Variants in CNTNAP2 observed in about 807,000 individuals in gnomAD.
CNTNAP2 encodes the protein contactin associated protein 2.
A neutral mutation model predicts 155.2 loss-of-function variants in CNTNAP2; 98 were observed. The ratio of observed to expected loss-of-function variants is 0.63; its 90% CI spans 0.54 to 0.75. The LOEUF (loss-of-function observed/expected upper bound fraction) is 0.75. Ranked by LOEUF, CNTNAP2 falls within the 30% of genes least tolerant of loss-of-function variation. CNTNAP2 has a pLI of 0.00. For synonymous variants in CNTNAP2, 651 were observed against 631.2 expected (o/e 1.03, Z -0.47); for missense variants, 1,727 against 1,688.1 (o/e 1.02, Z -0.40).
chr7:147,071,730 T>C (rs1799896260), intron 4 of CNTNAP2, among the ~76,000 whole-genome samples: 1 of 152,194 alleles, frequency 6.6e-6, no homozygotes, highest in Non-Finnish European at 1.5e-5. Flanking sequence ...TGGCACAGAA[T>C]GAATCAACTA....
In CNTNAP2 at chr7:147,857,979, C is replaced by T. The variant is rs375105415; in HGVS notation, c.2099-45586C>T. On this transcript the variant is annotated intron_variant, in intron 13 of 23. Coordinates refer to ENST00000361727, the MANE Select transcript of CNTNAP2 (RefSeq NM_014141.6). Reference sequence around the variant, plus strand: ...CCTTTCCAGTTCTAACTACACAGTACGATCTTTTTAAAACTATCAGCTTTG... The same window carrying T: ...CCTTTCCAGTTCTAACTACACAGTATGATCTTTTTAAAACTATCAGCTTTG... Among the ~76,000 whole-genome samples the T allele has an allele frequency of 3.3e-4, 51 of 152,290 alleles. 1 individual carries two copies. The highest frequency in any genetic ancestry group is 1.0e-3 in the African/African-American group (43 of 41,562).
chr7:146,519,982 A>C (rs1216796527), intron 1 of CNTNAP2, among the ~76,000 whole-genome samples: 4 of 151,860 alleles, frequency 2.6e-5, no homozygotes, highest in Non-Finnish European at 5.9e-5. Context: ...TATAAAAATC[A>C]TACAGAATGA....
At chr7:146,462,774 C>A (rs543985112) in intron 1 of CNTNAP2, among the ~76,000 whole-genome samples, 1 of 152,208 alleles carries the variant, frequency 6.6e-6, no homozygotes, top group South Asian at 2.1e-4. Flanking sequence ...CTCCTTGTAG[C>A]GGGGAATAGT....
intron 14 of CNTNAP2, among the ~76,000 whole-genome samples, chr7:147,909,547 C>T (rs543818516): frequency 4.6e-5 from 7 of 152,170 alleles, no homozygotes; most frequent in East Asian, 1.9e-4. Context: ...AGAAGTTTTG[C>T]GCAGTTATTT....
intron 1 of CNTNAP2, among the ~76,000 whole-genome samples, chr7:146,204,267 ATC>A (rs979860625): frequency 1.3e-5 from 2 of 152,114 alleles, no homozygotes; most frequent in African/African-American, 4.8e-5. Context: ...TAGTTAATAG[ATC>A]TTTTAATACT....
chr7:147,687,933 C>T (rs557416153), intron 13 of CNTNAP2, among the ~76,000 whole-genome samples: 1 of 152,118 alleles, frequency 6.6e-6, no homozygotes, highest in Non-Finnish European at 1.5e-5. Context: ...GAATGATTCT[C>T]ATCCATTTGT....
intron 1 of CNTNAP2, among the ~76,000 whole-genome samples, chr7:146,449,689 G>T (rs536865102): frequency 6.6e-6 from 1 of 152,120 alleles, no homozygotes; most frequent in Non-Finnish European, 1.5e-5. Flanking sequence ...TACTTAAAAC[G>T]ACATTTAAGA....
intron 16 of CNTNAP2, among the ~76,000 whole-genome samples, chr7:148,119,690 A>G (rs1804558736): frequency 6.6e-6 from 1 of 152,240 alleles, no homozygotes; most frequent in Non-Finnish European, 1.5e-5. Context: ...CCACACCGTC[A>G]GGTAAATTGC....
intron 13 of CNTNAP2, among the ~76,000 whole-genome samples, chr7:147,800,467 C>G (rs1294716726): frequency 6.6e-6 from 1 of 151,136 alleles, no homozygotes; most frequent in African/African-American, 2.4e-5. Flanking sequence ...GCAAAGGCAG[C>G]TCACTTTAAA....
chr7:147,666,935 C>T (rs932187645), intron 13 of CNTNAP2, among the ~76,000 whole-genome samples: 2 of 152,172 alleles, frequency 1.3e-5, no homozygotes, highest in African/African-American at 4.8e-5. Flanking sequence ...ATGAGACTAA[C>T]AACAGTTCAG....
At chr7:146,906,213 C>A (rs1049535833) in intron 3 of CNTNAP2, among the ~76,000 whole-genome samples, 1 of 151,458 alleles carries the variant, frequency 6.6e-6, no homozygotes, top group Non-Finnish European at 1.5e-5. Context: ...AAGGCGGCAG[C>A]GAGGCTGGGG....
intron 1 of CNTNAP2, among the ~76,000 whole-genome samples, chr7:146,117,479 A>G (rs1797502671): frequency 6.6e-6 from 1 of 152,170 alleles, no homozygotes; most frequent in African/African-American, 2.4e-5. Context: ...GTTAATGCCC[A>G]TTTAGTACTT....
chr7:146,307,149 A>T (rs985148238), intron 1 of CNTNAP2, among the ~76,000 whole-genome samples: 21 of 152,298 alleles, frequency 1.4e-4, no homozygotes, highest in Admixed American at 1.3e-3. Flanking sequence ...TACAAAATCA[A>T]TGTGCAAAAA....
intron 15 of CNTNAP2, among the ~76,000 whole-genome samples, chr7:148,079,209 A>G (rs1378659934): frequency 6.6e-6 from 1 of 152,208 alleles, no homozygotes; most frequent in African/African-American, 2.4e-5. Flanking sequence ...GTCGGGCTAC[A>G]GCTTGGTTTT....
At chr7:146,576,374 G>T (rs552808766) in intron 1 of CNTNAP2, among the ~76,000 whole-genome samples, 1 of 152,290 alleles carries the variant, frequency 6.6e-6, no homozygotes, top group East Asian at 1.9e-4. Flanking sequence ...TATTGGGGTA[G>T]ATATGGACAT....
chr7:148,362,777 C>T (rs1195848441), intron 21 of CNTNAP2, among the ~76,000 whole-genome samples: 1 of 152,190 alleles, frequency 6.6e-6, no homozygotes, highest in African/African-American at 2.4e-5. Flanking sequence ...TCCACTCTCA[C>T]TCCAGCCCCA....
At chr7:148,318,236 A>C (rs1218992249) in intron 21 of CNTNAP2, among the ~76,000 whole-genome samples, 1 of 152,140 alleles carries the variant, frequency 6.6e-6, no homozygotes, top group East Asian at 1.9e-4. Context: ...TTGGCTCACA[A>C]TCCACATCCA....
chr7:147,063,213 ACATGTACGTTTTCATTTC>A (rs1799716395), intron 4 of CNTNAP2, among the ~76,000 whole-genome samples: 1 of 152,230 alleles, frequency 6.6e-6, no homozygotes. Flanking sequence ...ATTTAAGGTA[ACATGTACGTTTTCATTTC>A]TATTAGAAGT....
rs368942092 is a variant in CNTNAP2, at chr7:147,318,113, A to G, written c.1498+17823A>G. Among the ~76,000 whole-genome samples, 4 of 152,312 alleles carry G rather than the reference A, an allele frequency of 2.6e-5. No homozygotes were observed. The East Asian group carries it at 5.8e-4, about 22-fold the overall frequency. The stretch of plus-strand genomic sequence containing the variant: ...AGCACTTTTATAGTACTAAAAAATA[A>G]TAAGTGAAAACTACTTGAATATATT... On this transcript the variant is annotated intron_variant, in intron 9 of 23. Transcript: ENST00000361727.
Sources: gnomAD v4.1 joint callset for allele counts (sites outside exome capture counted in the v4.1 genomes callset) on GRCh38, gnomAD v4.1.1 for gene constraint, MANE v1.5 for transcripts, NCBI Gene and HGNC (gene_info 2026-07-23, HGNC 2026-07-21) for gene names.